MYO5C: variants seen among roughly 807,000 people sequenced by gnomAD.
MYO5C encodes the protein myosin VC.
In MYO5C, 194 loss-of-function variants were observed where a neutral mutation model predicts 235.7. That is an observed-to-expected ratio of 0.82 (90% confidence interval 0.73 to 0.93). MYO5C has a LOEUF of 0.93. Among genes scored for constraint, MYO5C ranks in the 40% least tolerant of loss-of-function variants. The pLI is 0.00. For missense variants in MYO5C, 2,038 were observed against 2,127.2 expected (o/e 0.96, Z 0.82); for synonymous variants, 707 against 754.8 (o/e 0.94, Z 1.04).
intron 21 of MYO5C, among the ~76,000 whole-genome samples, chr15:52,238,133 C>G (rs571419832): frequency 1.1e-4 from 17 of 152,098 alleles, no homozygotes; most frequent in Non-Finnish European, 2.4e-4. Context: ...GAGGTGGCAG[C>G]CATCTACAAG....
intron 2 of MYO5C, among the ~76,000 whole-genome samples, 177 bp from the exon 3 acceptor site, chr15:52,279,851 A>G (rs2037129972): frequency 6.6e-6 from 1 of 152,220 alleles, no homozygotes; most frequent in African/African-American, 2.4e-5. Context: ...AATGAAAAGT[A>G]GGAGCAGGGG....
chr15:52,295,257 C>G (rs1285751724), intron 1 of MYO5C, among the ~76,000 whole-genome samples: 1 of 152,220 alleles, frequency 6.6e-6, no homozygotes, highest in Non-Finnish European at 1.5e-5. Context: ...TGGGGACGCA[C>G]GCGCGACCCC....
chr15:52,259,785 G>A (rs1001019477), intron 10 of MYO5C, among the ~76,000 whole-genome samples: 1 of 152,254 alleles, frequency 6.6e-6, no homozygotes, highest in African/African-American at 2.4e-5. Flanking sequence ...CCATTTGACA[G>A]CTATGGGAAA....
intron 22 of MYO5C, chr15:52,236,906 C>G (rs2036099168): frequency 6.6e-6 from 1 of 152,252 alleles, no homozygotes; most frequent in Non-Finnish European, 1.5e-5. Context: ...CGTATTTCAT[C>G]TGATGATTTT....
intron 10 of MYO5C, among the ~76,000 whole-genome samples, chr15:52,258,834 C>G (rs1222218992): frequency 1.3e-5 from 2 of 152,214 alleles, no homozygotes; most frequent in Non-Finnish European, 2.9e-5. Context: ...ACTCTTGTCT[C>G]AGGTTTTTCC....
chr15:52,278,442 C>T (rs1396328051), intron 4 of MYO5C, among the ~76,000 whole-genome samples: 2 of 152,022 alleles, frequency 1.3e-5, no homozygotes, highest in African/African-American at 2.4e-5. Flanking sequence ...CCTACAAACA[C>T]CTAGCAGTGA....
chr15:52,287,916 C>G (rs1329522086), intron 1 of MYO5C, among the ~76,000 whole-genome samples: 1 of 151,732 alleles, frequency 6.6e-6, no homozygotes, highest in Admixed American at 6.6e-5. Context: ...GCGGAGGTTT[C>G]TGTGAGGCAA....
intron 1 of MYO5C, among the ~76,000 whole-genome samples, chr15:52,293,015 G>A (rs904778359): frequency 1.3e-5 from 2 of 152,250 alleles, no homozygotes; most frequent in Non-Finnish European, 2.9e-5. Flanking sequence ...AGCAATGGGA[G>A]CCTCTAGAGG....
rs550985699 is a variant in MYO5C at position 52,196,497 on chromosome 15, CAGA to C, written c.4821-17_4821-15del. Reference sequence around the variant, plus strand: ...CTGATATTGCACCTGGAGGGAAAGGCAGAAGAACAGAGAATACTTTAGGGAAGG... The same window carrying C: ...CTGATATTGCACCTGGAGGGAAAGGCAGAACAGAGAATACTTTAGGGAAGG... On this transcript the variant is annotated splice_polypyrimidine_tract_variant and intron_variant, in intron 38 of 40. Transcript: ENST00000261839. 762 of 1,607,862 alleles carry C rather than the reference CAGA, an allele frequency of 4.7e-4. 9 individuals are homozygous for C. In the South Asian group the frequency reaches 7.8e-3, roughly 17 times the overall value.
At chr15:52,212,273 A>G (rs144564585) in intron 34 of MYO5C, among the ~76,000 whole-genome samples, 1 of 152,296 alleles carries the variant, frequency 6.6e-6, no homozygotes, top group Non-Finnish European at 1.5e-5. Flanking sequence ...GCTGCCTTGA[A>G]TAGGGAAAGC....
At chr15:52,269,272 G>A (rs1021340585) in intron 8 of MYO5C, among the ~76,000 whole-genome samples, 24 of 152,256 alleles carry the variant, frequency 1.6e-4, no homozygotes, top group African/African-American at 5.5e-4. Context: ...TCTTTTAAGG[G>A]AAAAGCATAG....
At chr15:52,202,223 A>G (rs2141262580) in intron 38 of MYO5C, among the ~76,000 whole-genome samples, 1 of 152,252 alleles carries the variant, frequency 6.6e-6, no homozygotes, top group East Asian at 1.9e-4. Flanking sequence ...TTAAAAATAC[A>G]AAAATTAGCC....
At chr15:52,232,589 G>T in intron 24 of MYO5C, 33 bp downstream of exon 24, 2 of 1,599,266 alleles carry the variant, frequency 1.3e-6, no homozygotes, top group Admixed American at 1.7e-5. Context: ...ACAGAAGAAA[G>T]AAAGTAGCTT....
intron 38 of MYO5C, among the ~76,000 whole-genome samples, chr15:52,197,058 G>A (rs1183887113): frequency 1.3e-5 from 2 of 152,180 alleles, no homozygotes; most frequent in Non-Finnish European, 2.9e-5. Context: ...AAATGGTACA[G>A]CTGTTGTGGA....
chr15:52,241,753 A>T (rs1327076512), intron 20 of MYO5C, among the ~76,000 whole-genome samples: 2 of 149,106 alleles, frequency 1.3e-5, no homozygotes, highest in Admixed American at 6.6e-5. Context: ...TGTGTGTGTG[A>T]GAGAGAGAGA....
chr15:52,237,223 C>T (rs2036105401), intron 22 of MYO5C: 1 of 319,982 alleles, frequency 3.1e-6, no homozygotes, highest in East Asian at 6.9e-5. Context: ...GCTCTTTGGG[C>T]CTGTCATCAT....
chr15:52,264,167 A>G, intron 9 of MYO5C, 23 bp downstream of exon 9: 1 of 1,570,554 alleles, frequency 6.4e-7, no homozygotes, highest in Non-Finnish European at 8.8e-7. Flanking sequence ...ACAAAGGAAA[A>G]GTAAAACAAA....
At chr15:52,215,864 T>C (rs1260765120) in intron 32 of MYO5C, among the ~76,000 whole-genome samples, 4 of 152,230 alleles carry the variant, frequency 2.6e-5, no homozygotes, top group African/African-American at 9.6e-5. Flanking sequence ...CAAACCATCA[T>C]TTTAACAGCC....
intron 21 of MYO5C, among the ~76,000 whole-genome samples, chr15:52,239,378 C>T (rs1348453945): frequency 6.6e-6 from 1 of 152,224 alleles, no homozygotes; most frequent in East Asian, 1.9e-4. Context: ...CTGATGTCAT[C>T]CCAAGGCAGC....
Sources: allele counts gnomAD v4.1 joint callset (sites outside exome capture counted in the v4.1 genomes callset), GRCh38; gene constraint gnomAD v4.1.1; transcripts MANE v1.5; gene names NCBI Gene and HGNC (gene_info 2026-07-23, HGNC 2026-07-21).